The following MAST3 variants were observed in gnomAD, a reference collection of about 807,000 sequenced individuals.
MAST3 encodes microtubule-associated serine/threonine-protein kinase 3.
In MAST3, 43 loss-of-function variants were observed where a neutral mutation model predicts 127.0. That is an observed-to-expected ratio of 0.34 (90% CI 0.27 to 0.44). MAST3 has a LOEUF of 0.44. MAST3 is among the 20% of genes least tolerant of loss of function. The pLI is 1.00. For synonymous variants in MAST3, 785 were observed against 809.2 expected (o/e 0.97, Z 0.51); for missense variants, 1,390 against 1,919.1 (o/e 0.72, Z 5.15).
chr19:18,149,895 C>A lies in MAST3; in HGVS notation c.*169C>A. On this transcript the variant is annotated 3_prime_UTR_variant, in exon 28 of 28. Transcript: ENST00000687212. This position sits in a 1 kb window ranked among gnomAD's most constrained non-coding sequence, Gnocchi z 5.9. ...GGAGACATCGCTTGTGTTCTGGTGT[C>A]AATCGGGGCTGGATGGGGCAAGAAT... is the stretch of plus-strand genomic sequence containing the variant. The A allele has an allele frequency of 1.3e-6, 1 of 778,620 alleles. No homozygotes were observed. The highest frequency in any genetic ancestry group is 1.7e-6 in the Non-Finnish European group (1 of 581,466). 48.2% of individuals were successfully genotyped at this position (778,620 alleles called of 1,614,324 possible). A position where few individuals can be genotyped will look rare whatever the true frequency, so the allele number is the denominator to read the frequency against.
intron 11 of MAST3, among the ~76,000 whole-genome samples, chr19:18,127,419 T>C (rs2040778900): frequency 6.6e-6 from 1 of 151,846 alleles, no homozygotes; most frequent in African/African-American, 2.4e-5. Context: ...CGTAGTGGCT[T>C]ATACCTGTAA....
intron 11 of MAST3, among the ~76,000 whole-genome samples, chr19:18,126,473 C>T (rs1296191743): frequency 6.6e-6 from 1 of 152,152 alleles, no homozygotes; most frequent in Non-Finnish European, 1.5e-5. Context: ...GCCACTGTCC[C>T]CATTGAAAGC....
In MAST3 at chr19:18,151,170, T is replaced by C. The variant is rs2147925443; in HGVS notation, c.*1444T>C. 1 of 152,278 alleles carries C rather than the reference T, an allele frequency of 6.6e-6. No individual in the cohort carries two copies. Among genetic ancestry groups the C allele is most frequent in the Admixed American group, 6.5e-5 (1 of 15,296 alleles). 9.4% of individuals were successfully genotyped at this position (152,278 alleles called of 1,614,324 possible). A position where few individuals can be genotyped will look rare whatever the true frequency, so the allele number is the denominator to read the frequency against. ...GCTTCACTGTGTGGCTCTGGGAAAA[T>C]GGCTTTCCCACTCTGTGCCTCAGTT... On this transcript the variant is annotated 3_prime_UTR_variant, in exon 28 of 28. Coordinates refer to ENST00000687212, the MANE Select transcript of MAST3 (RefSeq NM_001393504.1).
chr19:18,140,706 G>T (rs1309161422), intron 20 of MAST3, among the ~76,000 whole-genome samples: 1 of 152,128 alleles, frequency 6.6e-6, no homozygotes, highest in Non-Finnish European at 1.5e-5. Context: ...CCATCATATG[G>T]ATGGAACACA....
chr19:18,151,582 C>G lies in MAST3; in HGVS notation c.*1856C>G, dbSNP rs964311216. 3 of 152,332 alleles carry G rather than the reference C, an allele frequency of 2.0e-5. No individual in the cohort carries two copies. Among genetic ancestry groups the G allele is most frequent in the Admixed American group, 6.5e-5 (1 of 15,280 alleles). The allele number at this position is 152,332 out of a possible 1,614,324, so 9.4% of individuals were successfully genotyped here. On this transcript the variant is annotated 3_prime_UTR_variant, in exon 28 of 28. Coordinates refer to ENST00000687212, the MANE Select transcript of MAST3 (RefSeq NM_001393504.1). The stretch of plus-strand genomic sequence containing the variant: ...CCCACTCTGCTTCCCTTTCTGAGTC[C>G]CCTGTCCAGCACTGCCTAGTGTTGG...
intron 12 of MAST3, 22 bp downstream of exon 12, chr19:18,128,480 AC>A (rs749657136): frequency 1.9e-6 from 3 of 1,549,902 alleles, no homozygotes; most frequent in Admixed American, 3.9e-5. Context: ...AGGCTGGGGG[AC>A]CCCCGCTCAT....
chr19:18,123,789 A>G (rs2040267445), intron 8 of MAST3, 134 bp downstream of exon 8: 1 of 1,074,612 alleles, frequency 9.3e-7, no homozygotes. Context: ...CCTTCCGTTG[A>G]AAGATGTCGT....
intron 15 of MAST3, among the ~76,000 whole-genome samples, chr19:18,133,440 C>T (rs554687848): frequency 2.0e-4 from 30 of 152,028 alleles, no homozygotes; most frequent in African/African-American, 3.1e-4. Context: ...AGTACAGTGG[C>T]GCAGTCTTGG....
chr19:18,100,049 G>C (rs1159585531), intron 1 of MAST3, among the ~76,000 whole-genome samples: 1 of 151,732 alleles, frequency 6.6e-6, no homozygotes, highest in Non-Finnish European at 1.5e-5. Flanking sequence ...GAAAGTCTAA[G>C]TGTACCAGGT....
At chr19:18,138,824 G>A (rs2042146119) in intron 19 of MAST3, among the ~76,000 whole-genome samples, 191 bp from the exon 20 acceptor site, 1 of 152,148 alleles carries the variant, frequency 6.6e-6, no homozygotes, top group South Asian at 2.1e-4. Flanking sequence ...GACACAGCTG[G>A]TGTTGATCCC....
In MAST3 at chr19:18,124,736, T is replaced by A; in HGVS notation, c.1040T>A (p.Ile347Asn). Residue 347 changes from isoleucine to asparagine, a missense_variant, in exon 11 of 28, where the codon ATC (isoleucine) becomes AAC (asparagine). Coordinates refer to ENST00000687212, the MANE Select transcript of MAST3 (RefSeq NM_001393504.1). ...ATTAAGACTGACCTTCCACAGTACA[T>A]CATTGGGCAGCTGGGCCTGGCCAAG... ...QGIKTDLPQYIIGQLGLAKDP... is the reference protein window; with the variant it reads ...QGIKTDLPQYNIGQLGLAKDP... 6.2e-7 allele frequency: 1 copy of A among 1,607,282 alleles called. No individual in the cohort carries two copies. Among genetic ancestry groups the A allele is most frequent in the Non-Finnish European group, 8.5e-7 (1 of 1,175,964 alleles).
In MAST3 at chr19:18,117,470, C is replaced by G. The variant is rs1326146655; in HGVS notation, c.162-4215C>G. Among the ~76,000 whole-genome samples the G allele has an allele frequency of 2.0e-5, 3 of 152,218 alleles. No individual in the cohort carries two copies. The East Asian group carries it at 5.8e-4, about 29-fold the overall frequency. On this transcript the variant is annotated intron_variant, in intron 3 of 27. Coordinates refer to ENST00000687212, the MANE Select transcript of MAST3 (RefSeq NM_001393504.1). ...CCCCGACTCAATTTGCCAAACACAC[C>G]CTCTATGCCAGTCCGGTGCTGGGAG...
chr19:18,099,750 G>T (rs919156754), intron 1 of MAST3, among the ~76,000 whole-genome samples: 1 of 152,220 alleles, frequency 6.6e-6, no homozygotes, highest in African/African-American at 2.4e-5. Context: ...CACAGCACGT[G>T]CAAAGGCCCA....
rs1319668344 is a variant in MAST3 at position 18,112,287 on chromosome 19, G to A, written c.161+1546G>A. Among the ~76,000 whole-genome samples the A allele has an allele frequency of 6.6e-6, 1 of 152,056 alleles. No homozygotes were observed. Among genetic ancestry groups the A allele is most frequent in the African/African-American group, 2.4e-5 (1 of 41,400 alleles). On this transcript the variant is annotated intron_variant, in intron 3 of 27. Transcript: ENST00000687212. The surrounding 1 kb of genome is among the most constrained non-coding windows in gnomAD (Gnocchi z 4.1). Reference sequence around the variant, plus strand: ...AAGTGATTCTCCTGTTTCAGGCTCCGAGTAGCGGAGACTACAGGCGTGCCA... The same window carrying A: ...AAGTGATTCTCCTGTTTCAGGCTCCAAGTAGCGGAGACTACAGGCGTGCCA...
Position 18,149,974 on chromosome 19 carries a change from ACT to A in MAST3, c.*249_*250del. ...AGCAAATCCCTGCAACTAATTTATT[ACT>A]TTTTTTTTCTTTTTTTTTTTTTTTT... On this transcript the variant is annotated 3_prime_UTR_variant, in exon 28 of 28. Transcript: ENST00000687212. The surrounding 1 kb of genome is among the most constrained non-coding windows in gnomAD (Gnocchi z 5.9). 9.0e-6 allele frequency: 3 copies of A among 334,052 alleles called. No individual in the cohort carries two copies. The highest frequency in any genetic ancestry group is 1.5e-5 in the Non-Finnish European group (3 of 199,426). 20.7% of individuals were successfully genotyped at this position (334,052 alleles called of 1,614,324 possible). A position where few individuals can be genotyped will look rare whatever the true frequency, so the allele number is the denominator to read the frequency against.
At position 18,141,516 on chromosome 19, in the gene MAST3, G is replaced by A. The variant is rs183385943; in HGVS notation, c.2206-366G>A. ...GCCTTCCAAGTAGCTGGGACTACAG[G>A]CATGTGCCACCACGCCCAGCTAATT... On this transcript the variant is annotated intron_variant, in intron 20 of 27. Coordinates refer to ENST00000687212, the MANE Select transcript of MAST3 (RefSeq NM_001393504.1). 6.4e-4 allele frequency among the ~76,000 whole-genome samples: 97 copies of A among 152,014 alleles called. No homozygotes were observed. In the Middle Eastern group the frequency reaches 0.02, roughly 32 times the overall value.
At chr19:18,146,736 G>A (rs1022092520) in intron 25 of MAST3, 145 bp from the exon 26 acceptor site, 2 of 690,846 alleles carry the variant, frequency 2.9e-6, no homozygotes, top group African/African-American at 3.6e-5. Context: ...GGATATATTG[G>A]GTAGGTCACT....
rs1347078530 is a variant in MAST3, at chr19:18,145,549, CAG to C, written c.3040-192_3040-191del. On this transcript the variant is annotated intron_variant, in intron 24 of 27. Transcript: ENST00000687212. This position sits in a 1 kb window ranked among gnomAD's most constrained non-coding sequence, Gnocchi z 5.9. ...CTATTGGTTGCTCCCTGAACAGACACAGAAGGCTTTCTGGAGAAGGGGGCGTA... is the reference window on the plus strand; with the variant it reads ...CTATTGGTTGCTCCCTGAACAGACACAAGGCTTTCTGGAGAAGGGGGCGTA... Among the ~76,000 whole-genome samples, 2 of 152,210 alleles carry C rather than the reference CAG, an allele frequency of 1.3e-5. No individual in the cohort carries two copies. Among genetic ancestry groups the C allele is most frequent in the African/African-American group, 4.8e-5 (2 of 41,466 alleles).
At position 18,138,320 on chromosome 19, in the gene MAST3, GT is replaced by G. The variant is rs66532271; in HGVS notation, c.2096-681del. Among the ~76,000 whole-genome samples the G allele has an allele frequency of 3.3e-3, 469 of 141,918 alleles. 4 individuals carry two copies. Among genetic ancestry groups the G allele is most frequent in the African/African-American group, 6.9e-3 (270 of 38,878 alleles). 93.1% of individuals were successfully genotyped at this position (141,918 alleles called of 152,430 possible). On this transcript the variant is annotated intron_variant, in intron 19 of 27. Transcript: ENST00000687212. ...ATTCCCGCCCCTGGTCCCACAACCT[GT>G]TTTTTTTTTTTTTGAGACGGAGTCT...
Sources: gnomAD v4.1 joint callset for allele counts (sites outside exome capture counted in the v4.1 genomes callset) on GRCh38, gnomAD v4.1.1 for gene constraint, Gnocchi (gnomAD v3.1) non-coding constraint, MANE v1.5 for transcripts, NCBI Gene and HGNC (gene_info 2026-07-23, HGNC 2026-07-21) for gene names.